The following SAMD7 variants were observed in gnomAD, a reference collection of about 807,000 sequenced individuals.
The protein encoded by SAMD7 is sterile alpha motif domain-containing protein 7.
Under a neutral mutation model 36.7 loss-of-function variants are expected in SAMD7, and 34 were observed. The ratio of observed to expected loss-of-function variants is 0.93; its 90% CI spans 0.71 to 1.23. The LOEUF is 1.23. SAMD7 is among the 50% of genes most tolerant of loss of function. The pLI, the probability that SAMD7 is intolerant of heterozygous loss-of-function variation, is 0.00. For synonymous variants in SAMD7, 188 were observed against 189.7 expected (o/e 0.99, Z 0.07); for missense variants, 570 against 546.6 (o/e 1.04, Z -0.43).
At chr3:169,932,256 G>T (rs1713526832) in intron 7 of SAMD7, 1 of 849,166 alleles carries the variant, frequency 1.2e-6, no homozygotes, top group Non-Finnish European at 2.0e-6. Context: ...AGACACCAGA[G>T]CTGGGGGCAA....
At chr3:169,925,825 C>A (rs1403170924) in intron 5 of SAMD7, among the ~76,000 whole-genome samples, 1 of 152,166 alleles carries the variant, frequency 6.6e-6, no homozygotes, top group African/African-American at 2.4e-5. Flanking sequence ...CCTACGACTC[C>A]TCTGAAATTC....
Position 169,939,072 on chromosome 3 carries a change from C to T in SAMD7, c.*566C>T, listed in dbSNP as rs976521140. ...GCGCGGTGGCTCACGGCTGTAATCC[C>T]AACACTTTGGGAGTCTGAGGCGGGC... On this transcript the variant is annotated 3_prime_UTR_variant, in exon 9 of 9. Transcript: ENST00000335556. 7.2e-5 allele frequency: 11 copies of T among 152,186 alleles called. No homozygotes were observed. The highest frequency in any genetic ancestry group is 2.4e-4 in the African/African-American group (10 of 41,486). 9.4% of individuals were successfully genotyped at this position (152,186 alleles called of 1,614,324 possible).
intron 7 of SAMD7, among the ~76,000 whole-genome samples, chr3:169,935,283 G>A (rs1041220434): frequency 6.6e-6 from 1 of 152,158 alleles, no homozygotes; most frequent in African/African-American, 2.4e-5. Context: ...ATGGGAAAGA[G>A]CCAGCAGAAG....
chr3:169,937,705 G>T (rs1713774272), intron 8 of SAMD7, among the ~76,000 whole-genome samples: 1 of 152,128 alleles, frequency 6.6e-6, no homozygotes, highest in African/African-American at 2.4e-5. Flanking sequence ...TGTGAATAGT[G>T]CTGCAATGAA....
chr3:169,912,464 G>C (rs926815227), intron 1 of SAMD7, among the ~76,000 whole-genome samples: 1 of 152,150 alleles, frequency 6.6e-6, no homozygotes, highest in Non-Finnish European at 1.5e-5. Flanking sequence ...ATATATAATG[G>C]ACTTTGCTTC....
At chr3:169,916,425 CACTT>C in intron 2 of SAMD7, among the ~76,000 whole-genome samples, 1 of 152,118 alleles carries the variant, frequency 6.6e-6, no homozygotes, top group Admixed American at 6.5e-5. Flanking sequence ...GTGGGTGGAT[CACTT>C]GAGGTCAGGA....
chr3:169,914,074 A>G (rs1010578369), intron 1 of SAMD7, among the ~76,000 whole-genome samples: 1 of 152,244 alleles, frequency 6.6e-6, no homozygotes, highest in African/African-American at 2.4e-5. Flanking sequence ...GTCCAACACC[A>G]AGAGTGAATC....
At chr3:169,929,242 A>G (rs1420581315) in intron 7 of SAMD7, among the ~76,000 whole-genome samples, 1 of 152,194 alleles carries the variant, frequency 6.6e-6, no homozygotes, top group Non-Finnish European at 1.5e-5. Flanking sequence ...TGTCAATGCT[A>G]CATTTTCATG....
intron 7 of SAMD7, chr3:169,932,238 CTG>C: frequency 2.4e-6 from 2 of 849,852 alleles, no homozygotes; most frequent in Non-Finnish European, 3.9e-6. Context: ...AGGAAGTGTA[CTG>C]TGAAGAGACA....
intron 4 of SAMD7, among the ~76,000 whole-genome samples, chr3:169,921,927 C>A (rs913104752): frequency 6.6e-6 from 1 of 152,062 alleles, no homozygotes; most frequent in Non-Finnish European, 1.5e-5. Flanking sequence ...GTGGCTAAAT[C>A]CTGTAATTAT....
At chr3:169,923,318 C>G (rs1016133510) in intron 4 of SAMD7, among the ~76,000 whole-genome samples, 16 of 152,182 alleles carry the variant, frequency 1.1e-4, no homozygotes, top group Non-Finnish European at 4.4e-5. Flanking sequence ...GAACTGGGCC[C>G]ACTCAGTAAA....
rs1713200087 is a variant in SAMD7 at position 169,925,077 on chromosome 3, T to G, written c.231T>G (p.Pro77=). 2.5e-6 allele frequency: 4 copies of G among 1,609,642 alleles called. No individual in the cohort carries two copies. The highest frequency in any genetic ancestry group is 1.3e-5 in the African/African-American group (1 of 74,782). ...RIYPGWGILP[P]ESIKAVARRN... ...TTTAAGGTTGGGGCATTTTACCACC[T>G]GAATCCATAAAGGCAGTGGCCAGAA... Residue 77 remains proline, a synonymous_variant, in exon 5 of 9, where the codon CCT becomes CCG. Transcript: ENST00000335556.
At chr3:169,926,195 A>T in intron 5 of SAMD7, 2 of 1,001,040 alleles carry the variant, frequency 2.0e-6, no homozygotes, top group Non-Finnish European at 2.8e-6. Context: ...CTTGAATCTC[A>T]CTAAGATTAT....
At chr3:169,936,526 T>A (rs1713724221) in intron 8 of SAMD7, 77 bp downstream of exon 8, 1 of 794,730 alleles carries the variant, frequency 1.3e-6, no homozygotes, top group Non-Finnish European at 2.1e-6. Context: ...TATCTTGTTG[T>A]AATATAAATA....
intron 7 of SAMD7, 91 bp from the exon 8 acceptor site, chr3:169,936,248 G>T: frequency 1.2e-5 from 10 of 808,942 alleles, no homozygotes; most frequent in Non-Finnish European, 1.6e-5. Flanking sequence ...CAGTCTTAAT[G>T]TTTTCTCCAA....
Position 169,936,404 on chromosome 3 carries a change from C to T in SAMD7, c.1107C>T (p.Gly369=). ...TACTCACAGAAGAGCATCTTCGAGGCACTATGGGATTAAAGCTAGGGCCGG... is the reference window on the plus strand; with the variant it reads ...TACTCACAGAAGAGCATCTTCGAGGTACTATGGGATTAAAGCTAGGGCCGG... ...LPLLTEEHLR[G]TMGLKLGPAL... Residue 369 remains glycine (G), a synonymous_variant, in exon 8 of 9, where the codon GGC becomes GGT. Transcript: ENST00000335556. 1 of 1,613,552 alleles carries T rather than the reference C, an allele frequency of 6.2e-7. No individual in the cohort carries two copies. The highest frequency in any genetic ancestry group is 2.2e-5 in the East Asian group (1 of 44,852).
intron 2 of SAMD7, among the ~76,000 whole-genome samples, chr3:169,918,690 C>G (rs1017026306): frequency 3.3e-5 from 5 of 152,170 alleles, no homozygotes; most frequent in Non-Finnish European, 5.9e-5. Flanking sequence ...GTCTGTATCC[C>G]TTCTAATTAG....
At chr3:169,938,296 T>C (rs756336250) in intron 8 of SAMD7, 22 bp from the exon 9 acceptor site, 1 of 1,512,272 alleles carries the variant, frequency 6.6e-7, no homozygotes, top group Admixed American at 1.8e-5. Context: ...AATTGATTAC[T>C]ATAATTATTT....
intron 1 of SAMD7, among the ~76,000 whole-genome samples, chr3:169,912,294 A>G (rs1712629563): frequency 6.6e-6 from 1 of 152,236 alleles, no homozygotes; most frequent in Non-Finnish European, 1.5e-5. Flanking sequence ...CAGAGTAGAA[A>G]ATTTCAGAAA....
Sources: allele counts gnomAD v4.1 joint callset (sites outside exome capture counted in the v4.1 genomes callset), GRCh38; gene constraint gnomAD v4.1.1; transcripts MANE v1.5; gene names NCBI Gene and HGNC (gene_info 2026-07-23, HGNC 2026-07-21).